TSHZ2: variants seen among roughly 807,000 people sequenced by gnomAD.
TSHZ2 encodes the protein teashirt zinc finger homeobox 2, also known as teashirt homolog 2.
A neutral mutation model predicts 74.4 loss-of-function variants in TSHZ2; 21 were observed. The ratio of observed to expected loss-of-function variants is 0.28; its 90% CI spans 0.20 to 0.41. The LOEUF (loss-of-function observed/expected upper bound fraction) is 0.41, where lower values mean the gene tolerates loss of function less well. Ranked by LOEUF, TSHZ2 falls within the 10% of genes least tolerant of loss-of-function variation. TSHZ2 has a pLI of 1.00. For synonymous variants in TSHZ2, 540 were observed against 515.3 expected (o/e 1.05, Z -0.65); for missense variants, 1,244 against 1,293.5 (o/e 0.96, Z 0.59).
intron 2 of TSHZ2, among the ~76,000 whole-genome samples, chr20:53,297,720 C>G: frequency 6.6e-6 from 1 of 152,198 alleles, no homozygotes; most frequent in Non-Finnish European, 1.5e-5. Context: ...CTTAACTTGT[C>G]CAAGCCCCAC....
chr20:53,437,205 G>A (rs577619991), intron 2 of TSHZ2, among the ~76,000 whole-genome samples: 4 of 152,310 alleles, frequency 2.6e-5, no homozygotes, highest in African/African-American at 7.2e-5. Flanking sequence ...AGGCACAGTA[G>A]CTCACGCCTG....
intron 2 of TSHZ2, among the ~76,000 whole-genome samples, chr20:53,424,250 G>C (rs1196048479): frequency 6.6e-6 from 1 of 152,162 alleles, no homozygotes; most frequent in Non-Finnish European, 1.5e-5. Flanking sequence ...CTCTCAAATC[G>C]TGACAACCAA....
chr20:53,253,860 G>A lies in TSHZ2; in HGVS notation c.402G>A (p.Ser134=), dbSNP rs747837224. ...KMTAVYANIL[S]DSYWSGLGLG... The stretch of plus-strand genomic sequence containing the variant: ...CCGCTGTCTACGCCAACATCCTGTC[G>A]GATTCCTACTGGTCAGGCCTGGGCC... The change falls in exon 2 of 3, where the codon TCG becomes TCA. Residue 134 remains serine (S), a synonymous_variant. Transcript: ENST00000371497. 3.1e-6 allele frequency: 5 copies of A among 1,614,022 alleles called. No individual in the cohort carries two copies. The highest frequency in any genetic ancestry group is 3.3e-5 in the Admixed American group (2 of 60,002).
chr20:53,079,375 G>A (rs968961107), intron 1 of TSHZ2, among the ~76,000 whole-genome samples: 5 of 152,178 alleles, frequency 3.3e-5, no homozygotes, highest in Non-Finnish European at 5.9e-5. Context: ...TATCTCATGC[G>A]GGTTGCCAGA....
At chr20:53,028,431 T>C (rs1428397813) in intron 1 of TSHZ2, among the ~76,000 whole-genome samples, 1 of 152,212 alleles carries the variant, frequency 6.6e-6, no homozygotes, top group Non-Finnish European at 1.5e-5. Flanking sequence ...CCCTGGGCTT[T>C]GTTTATTGCC....
intron 2 of TSHZ2, among the ~76,000 whole-genome samples, chr20:53,481,043 G>GA (rs3042259): frequency 0.09 from 13,681 of 151,236 alleles, 700 homozygotes; most frequent in East Asian, 0.17. Context: ...CAATATATTA[G>GA]AAAAAAAAAT....
intron 1 of TSHZ2, among the ~76,000 whole-genome samples, chr20:53,093,553 A>G (rs1985949740): frequency 6.6e-6 from 1 of 152,174 alleles, no homozygotes; most frequent in African/African-American, 2.4e-5. Context: ...GCCTTGGGAC[A>G]TTTACATGCC....
intron 1 of TSHZ2, among the ~76,000 whole-genome samples, chr20:53,072,061 G>T (rs1985191768): frequency 6.6e-6 from 1 of 152,198 alleles, no homozygotes; most frequent in Non-Finnish European, 1.5e-5. Context: ...CCACAGCAGA[G>T]AATCACCTGG....
intron 1 of TSHZ2, among the ~76,000 whole-genome samples, chr20:53,098,236 T>C (rs934016293): frequency 1.3e-5 from 2 of 152,246 alleles, no homozygotes; most frequent in African/African-American, 4.8e-5. Context: ...GGTTGACTGT[T>C]GAATATTGCC....
chr20:53,373,327 G>T (rs1981544037), intron 2 of TSHZ2, among the ~76,000 whole-genome samples: 1 of 152,186 alleles, frequency 6.6e-6, no homozygotes, highest in Admixed American at 6.5e-5. Flanking sequence ...ATGTTCGGAA[G>T]AATTTTTTAG....
At chr20:53,095,713 T>A (rs1214185527) in intron 1 of TSHZ2, among the ~76,000 whole-genome samples, 1 of 152,164 alleles carries the variant, frequency 6.6e-6, no homozygotes, top group African/African-American at 2.4e-5. Flanking sequence ...GTAAAATCTT[T>A]AGCAACATCC....
Position 53,256,406 on chromosome 20 carries a change from C to T in TSHZ2, c.2948C>T (p.Thr983Ile). The T allele has an allele frequency of 6.2e-7, 1 of 1,614,014 alleles. No homozygotes were observed. Among genetic ancestry groups the T allele is most frequent in the Non-Finnish European group, 8.5e-7 (1 of 1,179,894 alleles). The change falls in exon 2 of 3, where the codon ACA becomes ATA. Residue 983 changes from threonine to isoleucine, a missense_variant. By Grantham distance (89) the Thr-to-Ile change is moderately conservative. Transcript: ENST00000371497. This position sits in a 1 kb window ranked among gnomAD's most constrained non-coding sequence, Gnocchi z 4.3. ...TCGTCGGCTCAGAGGTCTCCAGAAACAATAGCTGCCGAAGAGGACACAGAC... is the reference window on the plus strand; with the variant it reads ...TCGTCGGCTCAGAGGTCTCCAGAAATAATAGCTGCCGAAGAGGACACAGAC... The part of the protein sequence containing the change: ...RVSSAQRSPE[T>I]IAAEEDTDSK...
intron 1 of TSHZ2, among the ~76,000 whole-genome samples, chr20:53,169,551 G>A (rs1293394): frequency 0.058 from 8,808 of 151,988 alleles, 343 homozygotes; most frequent in Non-Finnish European, 0.078. Context: ...TAACTACATC[G>A]CCAAGGCTAG....
chr20:53,291,662 C>T (rs1191165116), intron 2 of TSHZ2, among the ~76,000 whole-genome samples: 1 of 152,010 alleles, frequency 6.6e-6, no homozygotes. Context: ...TTTGCCAGGA[C>T]TGTGCTGGTG....
At chr20:53,017,312 C>A (rs1364789997) in intron 1 of TSHZ2, among the ~76,000 whole-genome samples, 33 of 152,164 alleles carry the variant, frequency 2.2e-4, no homozygotes, top group Non-Finnish European at 8.8e-5. Flanking sequence ...GACTCCACAG[C>A]CCATGACATG....
chr20:53,103,209 C>G (rs6097234), intron 1 of TSHZ2, among the ~76,000 whole-genome samples: 11,814 of 152,138 alleles, frequency 0.078, 1,069 homozygotes, highest in African/African-American at 0.22. Context: ...AAGAATTATA[C>G]CTCCCAAGTA....
At chr20:53,308,630 T>G (rs1978648169) in intron 2 of TSHZ2, among the ~76,000 whole-genome samples, 1 of 152,220 alleles carries the variant, frequency 6.6e-6, no homozygotes, top group Non-Finnish European at 1.5e-5. Context: ...AAATACGTAT[T>G]TAGCCTGGAG....
chr20:53,004,015 GC>G (rs1982542045), intron 1 of TSHZ2, among the ~76,000 whole-genome samples: 1 of 151,694 alleles, frequency 6.6e-6, no homozygotes, highest in South Asian at 2.1e-4. Context: ...CATATTCGAT[GC>G]CCTGTTTTCA....
chr20:53,212,855 T>G (rs1306794302), intron 1 of TSHZ2, among the ~76,000 whole-genome samples: 1 of 152,162 alleles, frequency 6.6e-6, no homozygotes, highest in Non-Finnish European at 1.5e-5. Context: ...CAGGAACCCA[T>G]CCCTGGACCA....
Sources: allele counts gnomAD v4.1 joint callset (sites outside exome capture counted in the v4.1 genomes callset), GRCh38; gene constraint gnomAD v4.1.1; non-coding constraint Gnocchi (gnomAD v3.1); transcripts MANE v1.5; gene names NCBI Gene and HGNC (gene_info 2026-07-23, HGNC 2026-07-21).